The following CCDC73 variants were observed in gnomAD, a reference collection of about 807,000 sequenced individuals.
CCDC73 encodes the protein coiled-coil domain containing 73, also known as coiled-coil domain-containing protein 73.
A neutral mutation model predicts 116.5 loss-of-function variants in CCDC73; 95 were observed. That is an observed-to-expected ratio of 0.82 (90% confidence interval 0.69 to 0.97). The LOEUF is 0.97. Ranked by LOEUF, CCDC73 falls within the 50% of genes least tolerant of loss-of-function variation. The pLI is 0.00. For synonymous variants in CCDC73, 398 were observed against 401.3 expected (o/e 0.99, Z 0.10); for missense variants, 1,066 against 1,206.8 (o/e 0.88, Z 1.73).
At chr11:32,707,712 G>A (rs1010679504) in intron 3 of CCDC73, among the ~76,000 whole-genome samples, 10 of 151,782 alleles carry the variant, frequency 6.6e-5, no homozygotes, top group Non-Finnish European at 1.2e-4. Context: ...CATTATTTAC[G>A]GTATGATTAA....
intron 6 of CCDC73, among the ~76,000 whole-genome samples, chr11:32,684,452 T>C (rs1392838095): frequency 1.3e-5 from 2 of 152,218 alleles, no homozygotes; most frequent in African/African-American, 2.4e-5. Context: ...TAATATATAA[T>C]AAACACTTTT....
chr11:32,614,895 C>A lies in CCDC73; in HGVS notation c.1423G>T (p.Val475Phe). ...KSFKNEIDTV[V>F]SQDENQSEIS... ...TCACTTTGATTTTCATCCTGAGAAA[C>A]AACAGTATCAATTTCATTCTTGAAG... The change falls in exon 16 of 18, where the codon GTT becomes TTT. Residue 475 changes from valine (V) to phenylalanine (F), a missense_variant. By Grantham distance (50) the Val-to-Phe change is conservative. Transcript: ENST00000335185. The A allele has an allele frequency of 6.2e-7, 1 of 1,610,036 alleles. No individual in the cohort carries two copies. Among genetic ancestry groups the A allele is most frequent in the East Asian group, 2.2e-5 (1 of 44,734 alleles).
intron 1 of CCDC73, among the ~76,000 whole-genome samples, chr11:32,782,893 AC>A (rs1243430367): frequency 6.6e-6 from 1 of 152,114 alleles, no homozygotes; most frequent in Non-Finnish European, 1.5e-5. Context: ...GAAGCAAAAA[AC>A]CAAAGAAATA....
At chr11:32,687,368 G>A (rs1019255788) in intron 6 of CCDC73, among the ~76,000 whole-genome samples, 10 of 152,282 alleles carry the variant, frequency 6.6e-5, no homozygotes, top group African/African-American at 2.4e-4. Context: ...CAACCCAGCT[G>A]AAGGTGTCAG....
intron 7 of CCDC73, among the ~76,000 whole-genome samples, chr11:32,679,611 G>A (rs761179077): frequency 2.0e-5 from 3 of 152,020 alleles, no homozygotes; most frequent in Non-Finnish European, 2.9e-5. Context: ...CAATCCACCC[G>A]CCTTGGCCTC....
intron 1 of CCDC73, among the ~76,000 whole-genome samples, chr11:32,760,531 G>A (rs949984184): frequency 3.3e-5 from 5 of 152,192 alleles, no homozygotes; most frequent in Admixed American, 2.6e-4. Context: ...TCTAAAGGCT[G>A]GGTTCATGAT....
At chr11:32,656,981 G>A (rs1338375925) in intron 9 of CCDC73, among the ~76,000 whole-genome samples, 1 of 151,942 alleles carries the variant, frequency 6.6e-6, no homozygotes, top group East Asian at 1.9e-4. Context: ...TTTTAAAATC[G>A]TATTTAAGCT....
intron 12 of CCDC73, 91 bp from the exon 13 acceptor site, chr11:32,642,173 T>A (rs1855739668): frequency 2.3e-6 from 3 of 1,291,328 alleles, no homozygotes; most frequent in Admixed American, 3.5e-5. Flanking sequence ...GCTTCTAACA[T>A]GCTGAAAGTG....
intron 6 of CCDC73, among the ~76,000 whole-genome samples, chr11:32,689,184 A>G (rs548578343): frequency 6.6e-6 from 1 of 152,308 alleles, no homozygotes; most frequent in East Asian, 1.9e-4. Flanking sequence ...CTAAACTTGG[A>G]GTACAAAAGG....
intron 2 of CCDC73, among the ~76,000 whole-genome samples, chr11:32,733,181 T>C (rs983339030): frequency 2.6e-4 from 39 of 152,254 alleles, no homozygotes; most frequent in African/African-American, 8.4e-4. Flanking sequence ...AAGGCCATTA[T>C]ATAATGGCAA....
chr11:32,690,686 G>A (rs1162563309), intron 6 of CCDC73, among the ~76,000 whole-genome samples: 3 of 152,016 alleles, frequency 2.0e-5, no homozygotes, highest in South Asian at 2.1e-4. Context: ...TTCCCCGCCC[G>A]CCATGATTTT....
intron 17 of CCDC73, chr11:32,606,015 A>T (rs1043337905): frequency 1.5e-4 from 5 of 33,548 alleles, no homozygotes; most frequent in South Asian, 1.2e-3. Context: ...TTGGATATAT[A>T]AAAAAAAAAG....
chr11:32,617,089 G>A (rs767838011), intron 14 of CCDC73, among the ~76,000 whole-genome samples: 8 of 152,174 alleles, frequency 5.3e-5, no homozygotes, highest in African/African-American at 1.4e-4. Context: ...GAGTGATTTC[G>A]TTTGGCTAGA....
chr11:32,813,740 G>A, the CCDC73 span, among the ~76,000 whole-genome samples: 1 of 152,040 alleles, frequency 6.6e-6, no homozygotes, highest in African/African-American at 2.4e-5. Flanking sequence ...TCTGTTACCA[G>A]CTTCTATATT....
At chr11:32,711,344 T>C (rs774850730) in intron 3 of CCDC73, among the ~76,000 whole-genome samples, 6 of 152,202 alleles carry the variant, frequency 3.9e-5, no homozygotes, top group Non-Finnish European at 5.9e-5. Context: ...TGTACATCCA[T>C]GTTTATAGCA....
At chr11:32,815,521 C>T in the CCDC73 span, among the ~76,000 whole-genome samples, 383 of 152,170 alleles carry the variant, frequency 2.5e-3, 1 homozygote, top group Middle Eastern at 6.8e-3. Flanking sequence ...TTCTAATAGG[C>T]GCCCAGCCTA....
At chr11:32,723,849 A>G (rs1407528330) in intron 2 of CCDC73, among the ~76,000 whole-genome samples, 1 of 152,102 alleles carries the variant, frequency 6.6e-6, no homozygotes, top group Non-Finnish European at 1.5e-5. Flanking sequence ...ATTAAATTTA[A>G]TATTTTTTCT....
At chr11:32,789,875 A>G (rs1309297970) in intron 1 of CCDC73, among the ~76,000 whole-genome samples, 2 of 152,218 alleles carry the variant, frequency 1.3e-5, no homozygotes, top group African/African-American at 4.8e-5. Context: ...GAAGATGGAC[A>G]CCCAGCATGA....
chr11:32,608,333 T>TG (rs1285934346), intron 17 of CCDC73, among the ~76,000 whole-genome samples: 1 of 151,722 alleles, frequency 6.6e-6, no homozygotes, highest in Non-Finnish European at 1.5e-5. Context: ...CAAGGAGGGG[T>TG]GGGGTACAGG....
Sources: gnomAD v4.1 joint callset for allele counts (sites outside exome capture counted in the v4.1 genomes callset) on GRCh38, gnomAD v4.1.1 for gene constraint, MANE v1.5 for transcripts, NCBI Gene and HGNC (gene_info 2026-07-23, HGNC 2026-07-21) for gene names.